The following ELMOD2 variants were observed in gnomAD, a reference collection of about 807,000 sequenced individuals.
The protein encoded by ELMOD2 is ELMO domain containing 2.
In ELMOD2, 28 loss-of-function variants were observed where a neutral mutation model predicts 41.0. The ratio of observed to expected loss-of-function variants is 0.68; its 90% CI spans 0.51 to 0.94. ELMOD2 has a LOEUF of 0.94. Among genes scored for constraint, ELMOD2 ranks in the 40% least tolerant of loss-of-function variants. The probability of loss-of-function intolerance (pLI) is 0.00; values close to 1 mark genes in which losing one functional copy is unlikely to be tolerated. For synonymous variants in ELMOD2, 106 were observed against 107.2 expected (o/e 0.99, Z 0.07); for missense variants, 333 against 343.1 (o/e 0.97, Z 0.23).
intron 3 of ELMOD2, among the ~76,000 whole-genome samples, chr4:140,530,114 T>G (rs1412456144): frequency 6.6e-6 from 1 of 152,218 alleles, no homozygotes; most frequent in Non-Finnish European, 1.5e-5. Flanking sequence ...AGTGTTTCTT[T>G]TATTTACTAA....
At chr4:140,546,147 T>C (rs1397042978) in intron 8 of ELMOD2, among the ~76,000 whole-genome samples, 1 of 152,158 alleles carries the variant, frequency 6.6e-6, no homozygotes, top group East Asian at 1.9e-4. Flanking sequence ...CATGGAATAC[T>C]ATGCAGCCAT....
In ELMOD2 at chr4:140,535,644, T is replaced by C. The variant is rs1342685417; in HGVS notation, c.172-89T>C. On this transcript the variant is annotated intron_variant, in intron 3 of 8. Coordinates refer to ENST00000323570, the MANE Select transcript of ELMOD2 (RefSeq NM_153702.4). ...GGGTTTATTTTGCATTTTTAATATC[T>C]ACTTTGTAAGGTTGATTAAATGTCT... 2.5e-6 allele frequency: 3 copies of C among 1,224,212 alleles called. No individual in the cohort carries two copies. In the African/African-American group the frequency reaches 4.7e-5, roughly 19 times the overall value. The allele number at this position is 1,224,212 out of a possible 1,614,324, so 75.8% of individuals were successfully genotyped here. A position where few individuals can be genotyped will look rare whatever the true frequency, so the allele number is the denominator to read the frequency against.
chr4:140,552,560 G>C lies in ELMOD2; in HGVS notation c.*2185G>C, dbSNP rs768468858. 2 of 151,992 alleles carry C rather than the reference G, an allele frequency of 1.3e-5. No individual in the cohort carries two copies. Among genetic ancestry groups the C allele is most frequent in the African/African-American group, 2.4e-5 (1 of 41,428 alleles). 9.4% of individuals were successfully genotyped at this position (151,992 alleles called of 1,614,324 possible). A position where few individuals can be genotyped will look rare whatever the true frequency, so the allele number is the denominator to read the frequency against. The stretch of plus-strand genomic sequence containing the variant: ...CATGAGGCTTCAGACTCATGACAAT[G>C]ATATACATGAAAACAAAAATATAAT... On this transcript the variant is annotated 3_prime_UTR_variant, in exon 9 of 9. Coordinates refer to ENST00000323570, the MANE Select transcript of ELMOD2 (RefSeq NM_153702.4).
chr4:140,542,742 G>T, intron 7 of ELMOD2, 100 bp downstream of exon 7: 1 of 922,656 alleles, frequency 1.1e-6, no homozygotes, highest in Non-Finnish European at 1.6e-6. Flanking sequence ...TTAAAATAAA[G>T]TATTTTAATA....
chr4:140,551,507 G>A lies in ELMOD2; in HGVS notation c.*1132G>A, dbSNP rs1735470145. 6.6e-6 allele frequency: 1 copy of A among 152,074 alleles called. No homozygotes were observed. Among genetic ancestry groups the A allele is most frequent in the South Asian group, 2.1e-4 (1 of 4,832 alleles). The allele number at this position is 152,074 out of a possible 1,614,324, so 9.4% of individuals were successfully genotyped here. ...CTAAAATCTCAGGAGGGCAGCAAGT[G>A]CTGTCAACGATTATATAGTGATGAG... On this transcript the variant is annotated 3_prime_UTR_variant, in exon 9 of 9. Transcript: ENST00000323570.
At chr4:140,533,885 C>T (rs1734827684) in intron 3 of ELMOD2, among the ~76,000 whole-genome samples, 1 of 151,906 alleles carries the variant, frequency 6.6e-6, no homozygotes, top group East Asian at 1.9e-4. Flanking sequence ...TATTAGTCAT[C>T]AGGGAAATGC....
At chr4:140,528,735 A>T (rs1424986626) in intron 3 of ELMOD2, among the ~76,000 whole-genome samples, 5 of 152,180 alleles carry the variant, frequency 3.3e-5, no homozygotes, top group Admixed American at 3.3e-4. Context: ...TAGGTACTTT[A>T]ATGATTTAGT....
intron 8 of ELMOD2, among the ~76,000 whole-genome samples, chr4:140,549,957 G>C (rs1351043356): frequency 6.6e-6 from 1 of 152,054 alleles, no homozygotes; most frequent in Non-Finnish European, 1.5e-5. Context: ...AAAGTGCTGA[G>C]AGTTCAGGTA....
intron 5 of ELMOD2, among the ~76,000 whole-genome samples, chr4:140,538,198 C>G (rs1455824074): frequency 1.3e-5 from 2 of 152,116 alleles, no homozygotes; most frequent in African/African-American, 2.4e-5. Flanking sequence ...GATGAAGACT[C>G]TAAGGACTAG....
intron 8 of ELMOD2, among the ~76,000 whole-genome samples, chr4:140,544,412 A>G (rs1735204110): frequency 6.6e-6 from 1 of 152,038 alleles, no homozygotes; most frequent in Non-Finnish European, 1.5e-5. Context: ...TTCTTTCTAT[A>G]CCCATTGTAA....
In ELMOD2 at chr4:140,524,201, C is replaced by G. The variant is rs1734469986; in HGVS notation, c.-89C>G. On this transcript the variant is annotated 5_prime_UTR_variant, in exon 1 of 9. Coordinates refer to ENST00000323570, the MANE Select transcript of ELMOD2 (RefSeq NM_153702.4). ...GGTCGCGGTGCTTGAAGGGAGTGTT[C>G]CGTCGTTTCCGTTGCCGGCTGTTTG... 1 of 152,292 alleles carries G rather than the reference C, an allele frequency of 6.6e-6. No homozygotes were observed. Among genetic ancestry groups the G allele is most frequent in the South Asian group, 2.1e-4 (1 of 4,828 alleles). The allele number at this position is 152,292 out of a possible 1,614,324, so 9.4% of individuals were successfully genotyped here.
In ELMOD2 at chr4:140,542,598, T is replaced by G. The variant is rs1475961789; in HGVS notation, c.558T>G (p.Ser186Arg). ...GGTATTTCAGTGAAAATTACACTAG[T>G]GAAGCTCATCAGATTCTTTCCCGTT... Reference protein sequence around the residue: ...NLVYFSENYTSEAHQILSRSN... With the variant: ...NLVYFSENYTREAHQILSRSN... The change falls in exon 7 of 9, where the codon AGT becomes AGG. Residue 186 changes from serine (S) to arginine (R), a missense_variant. Physicochemically the swap from Ser to Arg is moderately radical, Grantham distance 110. Transcript: ENST00000323570. 6.2e-7 allele frequency: 1 copy of G among 1,606,988 alleles called. No homozygotes were observed. The highest frequency in any genetic ancestry group is 8.5e-7 in the Non-Finnish European group (1 of 1,176,218).
At chr4:140,524,560 T>G in intron 1 of ELMOD2, 1 of 984,528 alleles carries the variant, frequency 1.0e-6, no homozygotes, top group South Asian at 4.7e-5. Context: ...GATGGCTTGA[T>G]TTTCAAGATA....
At chr4:140,546,873 C>T (rs1380334852) in intron 8 of ELMOD2, among the ~76,000 whole-genome samples, 1 of 152,106 alleles carries the variant, frequency 6.6e-6, no homozygotes, top group African/African-American at 2.4e-5. Context: ...CTTTCAGTTG[C>T]CTCCTGTCAG....
At chr4:140,544,270 G>A (rs994985568) in intron 8 of ELMOD2, among the ~76,000 whole-genome samples, 3 of 152,040 alleles carry the variant, frequency 2.0e-5, no homozygotes, top group Non-Finnish European at 2.9e-5. Flanking sequence ...GATAATAGGT[G>A]GCCAAATCAT....
At chr4:140,526,548 G>A (rs769621697) in intron 2 of ELMOD2, 2 of 152,176 alleles carry the variant, frequency 1.3e-5, no homozygotes, top group Non-Finnish European at 2.9e-5. Flanking sequence ...GATCAAGTGT[G>A]CTTCGACTGA....
At chr4:140,524,671 C>G (rs1223111157) in intron 1 of ELMOD2, 4 of 985,034 alleles carry the variant, frequency 4.1e-6, no homozygotes, top group Non-Finnish European at 4.8e-6. Flanking sequence ...GGTGACGTGT[C>G]TGTGGGAATG....
intron 8 of ELMOD2, among the ~76,000 whole-genome samples, chr4:140,545,312 G>A (rs1735240352): frequency 6.6e-6 from 1 of 152,068 alleles, no homozygotes; most frequent in Admixed American, 6.6e-5. Flanking sequence ...GACATCCACT[G>A]CCTTACTAGA....
intron 2 of ELMOD2, among the ~76,000 whole-genome samples, 188 bp from the exon 3 acceptor site, chr4:140,527,278 G>T (rs772710393): frequency 6.6e-6 from 1 of 152,032 alleles, no homozygotes; most frequent in Non-Finnish European, 1.5e-5. Flanking sequence ...GTGTTTGGTT[G>T]AGTTTTTTGA....
Sources: allele counts gnomAD v4.1 joint callset (sites outside exome capture counted in the v4.1 genomes callset), GRCh38; gene constraint gnomAD v4.1.1; transcripts MANE v1.5; gene names NCBI Gene and HGNC (gene_info 2026-07-23, HGNC 2026-07-21).